TENM2: variants seen among roughly 807,000 people sequenced by gnomAD.
TENM2 encodes teneurin-2.
A neutral mutation model predicts 245.2 loss-of-function variants in TENM2; 52 were observed. The ratio of observed to expected loss-of-function variants is 0.21; its 90% CI spans 0.17 to 0.27. The LOEUF is 0.27. Among genes scored for constraint, TENM2 ranks in the 10% least tolerant of loss-of-function variants. The pLI, the probability that TENM2 is intolerant of heterozygous loss-of-function variation, is 1.00. For synonymous variants in TENM2, 1,363 were observed against 1,438.9 expected (o/e 0.95, Z 1.19); for missense variants, 3,046 against 3,666.8 (o/e 0.83, Z 4.37).
intron 2 of TENM2, among the ~76,000 whole-genome samples, chr5:167,419,257 T>TTC (rs1399440530): frequency 1.3e-5 from 2 of 152,020 alleles, no homozygotes; most frequent in Non-Finnish European, 2.9e-5. Flanking sequence ...AGGTCAGAAG[T>TTC]TCAAGACCAG....
At chr5:167,925,037 A>G (rs1777645698) in intron 3 of TENM2, among the ~76,000 whole-genome samples, 2 of 152,142 alleles carry the variant, frequency 1.3e-5, no homozygotes, top group Non-Finnish European at 1.5e-5. Flanking sequence ...TGACCCCCCA[A>G]ATAAAAATAT....
intron 7 of TENM2, among the ~76,000 whole-genome samples, chr5:168,074,586 A>G (rs555185763): frequency 8.8e-6 from 1 of 114,118 alleles, no homozygotes; most frequent in Admixed American, 1.0e-4. Context: ...GTAGGTGTTC[A>G]GTAAACAGCT....
chr5:167,795,648 G>A (rs1187083174), intron 2 of TENM2, among the ~76,000 whole-genome samples: 1 of 151,782 alleles, frequency 6.6e-6, no homozygotes, highest in Non-Finnish European at 1.5e-5. Flanking sequence ...GCACCAGGAA[G>A]GTACATTGCT....
intron 4 of TENM2, among the ~76,000 whole-genome samples, chr5:167,979,573 C>A (rs1782682107): frequency 6.6e-6 from 1 of 152,016 alleles, no homozygotes. Context: ...GATAGGGCTG[C>A]AAAATACAGA....
At chr5:167,590,428 T>C (rs559469651) in intron 2 of TENM2, among the ~76,000 whole-genome samples, 3 of 152,214 alleles carry the variant, frequency 2.0e-5, no homozygotes, top group Non-Finnish European at 4.4e-5. Context: ...TAGAAATGCA[T>C]GTATGTATGT....
the TENM2 span, among the ~76,000 whole-genome samples, chr5:167,224,428 C>A: frequency 6.6e-6 from 1 of 151,968 alleles, no homozygotes; most frequent in East Asian, 1.9e-4. Flanking sequence ...TTCCCAACAT[C>A]ATTTATTGAA....
intron 2 of TENM2, among the ~76,000 whole-genome samples, chr5:167,858,492 G>A (rs1771295428): frequency 6.6e-6 from 1 of 152,222 alleles, no homozygotes; most frequent in Non-Finnish European, 1.5e-5. Flanking sequence ...TACCCTGGTT[G>A]GTAGTGGCTT....
chr5:167,286,193 G>GA (rs1016045284), intron 1 of TENM2, among the ~76,000 whole-genome samples: 1 of 152,062 alleles, frequency 6.6e-6, no homozygotes, highest in Admixed American at 6.5e-5. Flanking sequence ...ACATAGGATT[G>GA]AAAAAATAAA....
Position 167,478,430 on chromosome 5 carries a change from G to A in TENM2, c.502+102957G>A, listed in dbSNP as rs561161855. On this transcript the variant is annotated intron_variant, in intron 2 of 28. Transcript: ENST00000518659. ...TAATGATGCTGGAAATGTAGGAAAC[G>A]GCATAGACTCTGGACTCTGCTCATT... 9.2e-5 allele frequency among the ~76,000 whole-genome samples: 14 copies of A among 152,276 alleles called. No individual in the cohort carries two copies. The South Asian group carries it at 1.7e-3, about 18-fold the overall frequency.
At chr5:167,633,037 T>C (rs1366991109) in intron 2 of TENM2, among the ~76,000 whole-genome samples, 5 of 152,196 alleles carry the variant, frequency 3.3e-5, no homozygotes, top group Admixed American at 3.3e-4. Context: ...CTAAACAACA[T>C]CAGTGAAAGA....
At chr5:168,113,509 G>A (rs548371808) in intron 9 of TENM2, among the ~76,000 whole-genome samples, 2 of 149,012 alleles carry the variant, frequency 1.3e-5, no homozygotes, top group South Asian at 2.1e-4. Context: ...TTTTCTCCAC[G>A]TATTCTCTTT....
chr5:167,469,656 T>A (rs139142491), intron 2 of TENM2, among the ~76,000 whole-genome samples: 1 of 152,280 alleles, frequency 6.6e-6, no homozygotes, highest in East Asian at 1.9e-4. Flanking sequence ...CTGATTGCAA[T>A]TTAGGATTTT....
At chr5:167,025,974 G>A in the TENM2 span, among the ~76,000 whole-genome samples, 1 of 152,062 alleles carries the variant, frequency 6.6e-6, no homozygotes, top group Non-Finnish European at 1.5e-5. Flanking sequence ...ACCTTTGGTG[G>A]TGATTAGCTT....
chr5:167,113,332 C>A, the TENM2 span, among the ~76,000 whole-genome samples: 1 of 151,922 alleles, frequency 6.6e-6, no homozygotes, highest in South Asian at 2.1e-4. Flanking sequence ...AAGGCTTAGG[C>A]GATTCATGCT....
intron 12 of TENM2, among the ~76,000 whole-genome samples, chr5:168,141,160 G>A (rs1755513201): frequency 6.6e-6 from 1 of 152,130 alleles, no homozygotes; most frequent in African/African-American, 2.4e-5. Context: ...GAAGATTCCA[G>A]TTCAGCAGTG....
chr5:167,363,312 A>G (rs1227511184), intron 1 of TENM2, among the ~76,000 whole-genome samples: 5 of 152,224 alleles, frequency 3.3e-5, no homozygotes, highest in African/African-American at 1.2e-4. Context: ...TATGTGTTCA[A>G]CACTACCACA....
chr5:167,643,248 A>C (rs544248100), intron 2 of TENM2, among the ~76,000 whole-genome samples: 4 of 152,254 alleles, frequency 2.6e-5, no homozygotes, highest in Admixed American at 2.6e-4. Flanking sequence ...CTTCATGACC[A>C]TTTATAGTTA....
intron 2 of TENM2, among the ~76,000 whole-genome samples, chr5:167,390,031 A>G (rs1201253201): frequency 2.0e-5 from 3 of 152,124 alleles, no homozygotes; most frequent in African/African-American, 7.2e-5. Flanking sequence ...CAATGTCTAC[A>G]GTGATCCCAG....
chr5:167,034,629 C>CAAAAA, the TENM2 span, among the ~76,000 whole-genome samples: 17 of 72,238 alleles, frequency 2.4e-4, no homozygotes, highest in South Asian at 6.4e-4. Flanking sequence ...GACTCCGTCT[C>CAAAAA]AAAAAAAAAA....
Sources: allele counts gnomAD v4.1 joint callset (sites outside exome capture counted in the v4.1 genomes callset), GRCh38; gene constraint gnomAD v4.1.1; transcripts MANE v1.5; gene names NCBI Gene and HGNC (gene_info 2026-07-23, HGNC 2026-07-21).